The following ABTB1 variants were observed in gnomAD, a reference collection of about 807,000 sequenced individuals.
ABTB1 encodes the protein ankyrin repeat and BTB/POZ domain-containing protein 1.
ABTB1 carries 45 observed loss-of-function variants against 57.1 expected under a neutral mutation model. The observed-to-expected ratio is 0.79, with a 90% CI of 0.62 to 1.01. The LOEUF is 1.01. Among genes scored for constraint, ABTB1 ranks in the 50% least tolerant of loss-of-function variants. The pLI, the probability that ABTB1 is intolerant of heterozygous loss-of-function variation, is 0.00. For missense variants in ABTB1, 630 were observed against 666.3 expected, an observed-to-expected ratio of 0.95 and a Z score of 0.60; for synonymous variants, 302 against 275.4, an observed-to-expected ratio of 1.10 and a Z score of -0.95.
At chr3:127,677,639 C>A (rs1273834807) in intron 9 of ABTB1, 37 bp from the exon 10 acceptor site, 1 of 1,612,570 alleles carries the variant, frequency 6.2e-7, no homozygotes, top group Admixed American at 1.7e-5. Flanking sequence ...GGAGACAGAC[C>A]CTGGCCCTCA....
In ABTB1 at chr3:127,676,908, T is replaced by TC; in HGVS notation, c.527-58dup. 6.5e-7 allele frequency: 1 copy of TC among 1,548,126 alleles called. No homozygotes were observed. The highest frequency in any genetic ancestry group is 8.9e-7 in the Non-Finnish European group (1 of 1,129,220). On this transcript the variant is annotated intron_variant, in intron 6 of 11. Transcript: ENST00000232744. This position sits in a 1 kb window ranked among gnomAD's most constrained non-coding sequence, Gnocchi z 5.4. ...CCAGGTGGGAGGGGATCACCCTTTT[T>TC]CTGTGGGCCTGATGACAGCTGAGGT...
intron 10 of ABTB1, chr3:127,678,783 G>T: frequency 6.6e-6 from 1 of 152,400 alleles, no homozygotes; most frequent in Non-Finnish European, 1.5e-5. Context: ...AGAAGCCACC[G>T]GAAATTGCAC....
Position 127,680,533 on chromosome 3 carries a change from G to T in ABTB1, c.*58G>T. The stretch of plus-strand genomic sequence containing the variant: ...CTCTCTTGGAGACAAGCATGTGTAT[G>T]CGTTTGTGTGCAGCTCTTCTTCCTG... On this transcript the variant is annotated 3_prime_UTR_variant, in exon 12 of 12. Coordinates refer to ENST00000232744, the MANE Select transcript of ABTB1 (RefSeq NM_172027.3). 2 of 1,576,612 alleles carry T rather than the reference G, an allele frequency of 1.3e-6. No individual in the cohort carries two copies. The highest frequency in any genetic ancestry group is 1.7e-6 in the Non-Finnish European group (2 of 1,161,102).
chr3:127,673,326 A>C (rs535149606), intron 1 of ABTB1: 1 of 328,704 alleles, frequency 3.0e-6, no homozygotes, highest in East Asian at 5.2e-5. Flanking sequence ...GGGACTGCTC[A>C]GCGGAGGCCC....
At chr3:127,679,884 C>T (rs866441778) in intron 10 of ABTB1, 101 bp from the exon 11 acceptor site, 66 of 1,240,618 alleles carry the variant, frequency 5.3e-5, no homozygotes, top group Middle Eastern at 2.6e-4. Context: ...GAAGCCTTCC[C>T]GCCAGTGCCC....
intron 7 of ABTB1, 29 bp downstream of exon 7, chr3:127,677,112 A>G (rs1378148138): frequency 4.3e-6 from 7 of 1,613,628 alleles, no homozygotes; most frequent in Non-Finnish European, 1.7e-6. Flanking sequence ...GCCCGGGGCC[A>G]TGGGTGCGGC....
rs756337871 is a variant in ABTB1, at chr3:127,676,114, G to A, written c.320G>A (p.Arg107Gln). The change falls in exon 4 of 12, where the codon CGG becomes CAG. Residue 107 changes from arginine (R) to glutamine (Q), a missense_variant and splice_region_variant. Coordinates refer to ENST00000232744, the MANE Select transcript of ABTB1 (RefSeq NM_172027.3). The surrounding 1 kb of genome is among the most constrained non-coding windows in gnomAD (Gnocchi z 5.4). Reference sequence around the variant, plus strand: ...GATTACTATGACGACTTCTTGCAGCGGTGAGCCAGGGCACACGAGGGGTGC... The same window carrying A: ...GATTACTATGACGACTTCTTGCAGCAGTGAGCCAGGGCACACGAGGGGTGC... ...RRDYYDDFLQ[R>Q]LLEQGIHSDV... 22 of 1,612,956 alleles carry A rather than the reference G, an allele frequency of 1.4e-5. 1 individual carries two copies. The highest frequency in any genetic ancestry group is 1.3e-4 in the South Asian group (12 of 91,058).
intron 10 of ABTB1, 165 bp from the exon 11 acceptor site, chr3:127,679,820 C>T: frequency 2.4e-6 from 1 of 424,590 alleles, no homozygotes; most frequent in South Asian, 1.9e-5. Flanking sequence ...GGAATCTGGG[C>T]CAGCCCCCCG....
Position 127,680,762 on chromosome 3 carries a change from CT to C in ABTB1, c.*289del. 1.5e-6 allele frequency: 1 copy of C among 668,464 alleles called. No individual in the cohort carries two copies. The highest frequency in any genetic ancestry group is 1.8e-5 in the African/African-American group (1 of 55,852). 41.4% of individuals were successfully genotyped at this position (668,464 alleles called of 1,614,324 possible). On this transcript the variant is annotated 3_prime_UTR_variant, in exon 12 of 12. Transcript: ENST00000232744. ...GGTGGGCTTTGGTCTTAGCACTTTCCTTCTCCAGATCCCCCCTACCCACCCC... is the reference window on the plus strand; with the variant it reads ...GGTGGGCTTTGGTCTTAGCACTTTCCTCTCCAGATCCCCCCTACCCACCCC...
intron 3 of ABTB1, 150 bp from the exon 4 acceptor site, chr3:127,675,820 T>G: frequency 4.0e-6 from 4 of 1,005,966 alleles, no homozygotes; most frequent in Admixed American, 2.4e-5. Flanking sequence ...ACTGGGAGGG[T>G]GTTGGGGTCA....
Position 127,680,668 on chromosome 3 carries a change from T to C in ABTB1, c.*193T>C, listed in dbSNP as rs979012560. On this transcript the variant is annotated 3_prime_UTR_variant, in exon 12 of 12. Coordinates refer to ENST00000232744, the MANE Select transcript of ABTB1 (RefSeq NM_172027.3). ...GAGGATCCATTTGGGATGAGCCCCC[T>C]CCCCCCAATGCACAAGCCAGCCCCC... 4 of 761,022 alleles carry C rather than the reference T, an allele frequency of 5.3e-6. No homozygotes were observed. The highest frequency in any genetic ancestry group is 4.5e-6 in the Non-Finnish European group (2 of 444,302). 47.1% of individuals were successfully genotyped at this position (761,022 alleles called of 1,614,324 possible). A position where few individuals can be genotyped will look rare whatever the true frequency, so the allele number is the denominator to read the frequency against.
At chr3:127,675,729 G>A (rs535235268) in intron 3 of ABTB1, 6 of 574,736 alleles carry the variant, frequency 1.0e-5, no homozygotes, top group East Asian at 2.9e-5. Flanking sequence ...TCAGCTCTCC[G>A]TTCTGTGTTG....
At chr3:127,679,648 C>A in intron 10 of ABTB1, 2 of 510,778 alleles carry the variant, frequency 3.9e-6, no homozygotes, top group South Asian at 3.1e-5. Context: ...GTGACTTGCC[C>A]AGGGCCCCAC....
chr3:127,679,903 C>G, intron 10 of ABTB1, 82 bp from the exon 11 acceptor site: 1 of 1,451,030 alleles, frequency 6.9e-7, no homozygotes, highest in Non-Finnish European at 9.5e-7. Context: ...CCCCCAACCA[C>G]CACAGGCCCT....
rs1398763953 is a variant in ABTB1, at chr3:127,677,580, G to T, written c.861+17G>T. The stretch of plus-strand genomic sequence containing the variant: ...TGCCACAAGGTGCCTGTGCCCTCCT[G>T]TTGCCCCTGGCCCCAGCCCGTTGCC... On this transcript the variant is annotated intron_variant, in intron 9 of 11. Transcript: ENST00000232744. The T allele has an allele frequency of 3.1e-6, 5 of 1,613,588 alleles. No homozygotes were observed. Among genetic ancestry groups the T allele is most frequent in the Non-Finnish European group, 4.2e-6 (5 of 1,180,010 alleles).
Position 127,679,818 on chromosome 3 carries a change from G to A in ABTB1, c.1030-167G>A, listed in dbSNP as rs1435608932. 26 of 624,464 alleles carry A rather than the reference G, an allele frequency of 4.2e-5. No individual in the cohort carries two copies. In the Admixed American group the frequency reaches 7.0e-4, roughly 17 times the overall value. 38.7% of individuals were successfully genotyped at this position (624,464 alleles called of 1,614,324 possible). ...TCCTGCAGATCCCTGTGGGAATCTG[G>A]GCCAGCCCCCCGACCCCCAACCCCA... On this transcript the variant is annotated intron_variant, in intron 10 of 11. Transcript: ENST00000232744.
intron 1 of ABTB1, 46 bp downstream of exon 1, chr3:127,673,127 T>C: frequency 4.7e-6 from 7 of 1,481,752 alleles, no homozygotes; most frequent in Non-Finnish European, 6.3e-6. Context: ...GTGGCCGCCC[T>C]CGGAACGCCT....
In ABTB1 at chr3:127,674,408, G is replaced by A. The variant is rs772221285; in HGVS notation, c.74G>A (p.Arg25Gln). The change falls in exon 2 of 12, where the codon CGA becomes CAA. Residue 25 changes from arginine (R) to glutamine (Q), a missense_variant. This residue lies in a region of ABTB1 where 579 missense variants were observed against 585.9 expected (regional missense o/e 0.99). Transcript: ENST00000232744. ...VGRVRYLLEQRDVEVNVRDKW... is the reference protein window; with the variant it reads ...VGRVRYLLEQQDVEVNVRDKW... ...CTGCCCAGGTACCTGCTGGAGCAGCGAGACGTGGAGGTGAATGTGCGGGAC... is the reference window on the plus strand; with the variant it reads ...CTGCCCAGGTACCTGCTGGAGCAGCAAGACGTGGAGGTGAATGTGCGGGAC... 2.7e-5 allele frequency: 43 copies of A among 1,584,308 alleles called. No individual in the cohort carries two copies. The highest frequency in any genetic ancestry group is 1.9e-4 in the Middle Eastern group (1 of 5,384).
intron 1 of ABTB1, 164 bp downstream of exon 1, chr3:127,673,245 G>T: frequency 1.6e-6 from 1 of 640,912 alleles, no homozygotes; most frequent in Admixed American, 4.7e-5. Context: ...CCCCGCCGCA[G>T]CCCCCCAGCG....
Sources: allele counts gnomAD v4.1 joint callset, GRCh38; gene constraint gnomAD v4.1.1; regional missense constraint gnomAD v4.1.1; non-coding constraint Gnocchi (gnomAD v3.1); transcripts MANE v1.5; gene names NCBI Gene and HGNC (gene_info 2026-07-23, HGNC 2026-07-21).